The following RSAD1 variants were observed in gnomAD, a reference collection of about 807,000 sequenced individuals.
RSAD1 encodes radical S-adenosyl methionine domain-containing protein 1, mitochondrial.
In RSAD1, 34 loss-of-function variants were observed where a neutral mutation model predicts 46.2. The observed-to-expected ratio is 0.74, with a 90% confidence interval of 0.56 to 0.98. The LOEUF (loss-of-function observed/expected upper bound fraction) is 0.98, where lower values mean the gene tolerates loss of function less well. RSAD1 is among the 50% of genes least tolerant of loss of function. The pLI, the probability that RSAD1 is intolerant of heterozygous loss-of-function variation, is 0.00. For missense variants in RSAD1, 635 were observed against 592.3 expected (o/e 1.07, Z -0.75); for synonymous variants, 260 against 253.5 (o/e 1.03, Z -0.24).
Position 50,484,554 on chromosome 17 carries a change from G to A in RSAD1, c.1211+9G>A, listed in dbSNP as rs774915742. 10 of 1,611,882 alleles carry A rather than the reference G, an allele frequency of 6.2e-6. No individual in the cohort carries two copies. The highest frequency in any genetic ancestry group is 8.5e-6 in the Non-Finnish European group (10 of 1,179,394). On this transcript the variant is annotated intron_variant, in intron 8 of 8. Transcript: ENST00000258955. Reference sequence around the variant, plus strand: ...CTGCAGCTGGATCACAGGTGTGTTGGGGGGTGCCGGGCAGAGGGGGCTGAG... The same window carrying A: ...CTGCAGCTGGATCACAGGTGTGTTGAGGGGTGCCGGGCAGAGGGGGCTGAG...
At position 50,483,706 on chromosome 17, in the gene RSAD1, G is replaced by T; in HGVS notation, c.1053G>T (p.Leu351=). The change falls in exon 7 of 9, where the codon CTG becomes CTT. Residue 351 remains leucine (L), a splice_region_variant and synonymous_variant. Coordinates refer to ENST00000258955, the MANE Select transcript of RSAD1 (RefSeq NM_018346.3). ...GACTCCTTGGTGATTTTTCTTTGAG[G>T]CTGGAGGAAGTTTTGGCCCTGGGGC... ...RKRVPLGRLE[L]LEEVLALGLR... is the part of the protein sequence containing the mutation. The T allele has an allele frequency of 6.2e-7, 1 of 1,613,072 alleles. No homozygotes were observed. The highest frequency in any genetic ancestry group is 1.7e-4 in the Middle Eastern group (1 of 6,050).
In RSAD1 at chr17:50,484,825, G is replaced by A; in HGVS notation, c.1293G>A (p.Trp431Ter). ...LTLLPQLQEA[W>*]QQRTPSPVPG... ...TCCTGCCTCAGCTCCAAGAAGCCTG[G>A]CAGCAGAGAACCCCCTCCCCTGTGC... Residue 431 changes from tryptophan to a stop codon, truncating the protein, a stop_gained, in exon 9 of 9, where the codon TGG becomes TGA. Coordinates refer to ENST00000258955, the MANE Select transcript of RSAD1 (RefSeq NM_018346.3). LOFTEE classifies it high-confidence loss of function. The A allele has an allele frequency of 6.2e-7, 1 of 1,614,060 alleles. No individual in the cohort carries two copies. The highest frequency in any genetic ancestry group is 1.3e-5 in the African/African-American group (1 of 75,042).
chr17:50,483,328 T>C lies in RSAD1; in HGVS notation c.905-12T>C, dbSNP rs994207156. Reference sequence around the variant, plus strand: ...CAGCCATTAATGTGGGGATGGTTGTTGATGTTGTCAGGGGCCCATGGACGA... The same window carrying C: ...CAGCCATTAATGTGGGGATGGTTGTCGATGTTGTCAGGGGCCCATGGACGA... On this transcript the variant is annotated splice_polypyrimidine_tract_variant and intron_variant, in intron 5 of 8. Transcript: ENST00000258955. 3 of 1,612,564 alleles carry C rather than the reference T, an allele frequency of 1.9e-6. No homozygotes were observed. The highest frequency in any genetic ancestry group is 1.3e-5 in the African/African-American group (1 of 74,970).
chr17:50,484,298 A>G (rs1279885285), intron 7 of RSAD1, 144 bp from the exon 8 acceptor site: 2 of 667,848 alleles, frequency 3.0e-6, no homozygotes, highest in South Asian at 1.9e-5. Flanking sequence ...CTGCTGGCCC[A>G]TTGGCCTGGT....
At position 50,479,031 on chromosome 17, in the gene RSAD1, C is replaced by CG; in HGVS notation, c.135+17dup. On this transcript the variant is annotated intron_variant, in intron 1 of 8. Transcript: ENST00000258955. ...CGCTTTACGTACACGTGAGTAGGGG[C>CG]GGGGGCGGAGCCCACGGTGTGTGGC... The CG allele has an allele frequency of 1.5e-6, 2 of 1,328,116 alleles. No homozygotes were observed. The highest frequency in any genetic ancestry group is 9.6e-7 in the Non-Finnish European group (1 of 1,043,732). The allele number at this position is 1,328,116 out of a possible 1,614,324, so 82.3% of individuals were successfully genotyped here. A position where few individuals can be genotyped will look rare whatever the true frequency, so the allele number is the denominator to read the frequency against.
At position 50,482,204 on chromosome 17, in the gene RSAD1, G is replaced by A; in HGVS notation, c.588G>A (p.Leu196=). 1 of 1,569,918 alleles carries A rather than the reference G, an allele frequency of 6.4e-7. No homozygotes were observed. The highest frequency in any genetic ancestry group is 8.7e-7 in the Non-Finnish European group (1 of 1,154,418). ...TTCCCGGGCGCGTGTCTGTAGACTT[G>A]ATGCTGGGGCTGCCGGCACAGCAGG... ...RLFPGRVSVD[L]MLGLPAQQVG... Residue 196 remains leucine (L), a synonymous_variant, in exon 4 of 9, where the codon TTG becomes TTA. Transcript: ENST00000258955.
chr17:50,478,865 G>C lies in RSAD1; in HGVS notation c.-20G>C. On this transcript the variant is annotated 5_prime_UTR_variant, in exon 1 of 9. Transcript: ENST00000258955. ...GCGCGTCTCCTGCTCGGGTCAGTGC[G>C]CCGCGCTGCGCTGGGCGCCATGGCG... The C allele has an allele frequency of 7.9e-7, 1 of 1,258,886 alleles. No individual in the cohort carries two copies. Among genetic ancestry groups the C allele is most frequent in the Non-Finnish European group, 9.9e-7 (1 of 1,006,706 alleles). The allele number at this position is 1,258,886 out of a possible 1,614,324, so 78.0% of individuals were successfully genotyped here.
In RSAD1 at chr17:50,482,190, G is replaced by A. The variant is rs747181180; in HGVS notation, c.574G>A (p.Val192Met). 16 of 1,576,360 alleles carry A rather than the reference G, an allele frequency of 1.0e-5. No individual in the cohort carries two copies. Among genetic ancestry groups the A allele is most frequent in the Admixed American group, 5.4e-5 (3 of 55,152 alleles). Residue 192 changes from valine (V) to methionine (M), a missense_variant, in exon 4 of 9, where the codon GTG becomes ATG. Coordinates refer to ENST00000258955, the MANE Select transcript of RSAD1 (RefSeq NM_018346.3). ...AEARRLFPGR[V>M]SVDLMLGLPA... ...GGCCCGGCGCCTCTTTCCCGGGCGC[G>A]TGTCTGTAGACTTGATGCTGGGGCT...
chr17:50,482,232 G>T lies in RSAD1; in HGVS notation c.616G>T (p.Gly206Trp), dbSNP rs370307857. The change falls in exon 4 of 9, where the codon GGG becomes TGG. Residue 206 changes from glycine (G) to tryptophan (W), a missense_variant. By Grantham distance (184) the Gly-to-Trp change is radical. Transcript: ENST00000258955. Reference sequence around the variant, plus strand: ...GCTGGGGCTGCCGGCACAGCAGGTGGGGCCGTGGCTTGGGCAGCTGCAGGA... The same window carrying T: ...GCTGGGGCTGCCGGCACAGCAGGTGTGGCCGTGGCTTGGGCAGCTGCAGGA... Reference protein sequence around the residue: ...LMLGLPAQQVGPWLGQLQELL... With the variant: ...LMLGLPAQQVWPWLGQLQELL... 1.6e-4 allele frequency: 252 copies of T among 1,569,704 alleles called. No individual in the cohort carries two copies. The highest frequency in any genetic ancestry group is 2.0e-4 in the Non-Finnish European group (226 of 1,153,950).
rs2033345357 is a variant in RSAD1, at chr17:50,479,000, G to GC, written c.117dup (p.Ala40ArgfsTer94). 1 of 1,373,444 alleles carries GC rather than the reference G, an allele frequency of 7.3e-7. No individual in the cohort carries two copies. Among genetic ancestry groups the GC allele is most frequent in the Admixed American group, 3.4e-5 (1 of 29,526 alleles). The allele number at this position is 1,373,444 out of a possible 1,614,324, so 85.1% of individuals were successfully genotyped here. On this transcript the variant is annotated frameshift_variant, in exon 1 of 9. Coordinates refer to ENST00000258955, the MANE Select transcript of RSAD1 (RefSeq NM_018346.3). LOFTEE classifies it high-confidence loss of function. ...CCGAGTCCTGAGCCTGCGGGCCGGC[G>GC]CGCGGCGCTTTACGTACACGTGAGT...
chr17:50,484,576 T>C, intron 8 of RSAD1, 31 bp downstream of exon 8: 1 of 1,602,186 alleles, frequency 6.2e-7, no homozygotes, highest in Non-Finnish European at 8.5e-7. Context: ...CAGAGGGGGC[T>C]GAGGCATACC....
Position 50,478,876 on chromosome 17 carries a change from C to T in RSAD1, c.-9C>T. On this transcript the variant is annotated 5_prime_UTR_variant, in exon 1 of 9. Transcript: ENST00000258955. ...GCTCGGGTCAGTGCGCCGCGCTGCGCTGGGCGCCATGGCGCTCCCCGGAGC... is the reference window on the plus strand; with the variant it reads ...GCTCGGGTCAGTGCGCCGCGCTGCGTTGGGCGCCATGGCGCTCCCCGGAGC... 1 of 1,294,246 alleles carries T rather than the reference C, an allele frequency of 7.7e-7. No individual in the cohort carries two copies. Among genetic ancestry groups the T allele is most frequent in the Non-Finnish European group, 9.7e-7 (1 of 1,026,678 alleles). The allele number at this position is 1,294,246 out of a possible 1,614,324, so 80.2% of individuals were successfully genotyped here.
Position 50,478,918 on chromosome 17 carries a change from G to A in RSAD1, c.34G>A (p.Ala12Thr). 7.5e-7 allele frequency: 1 copy of A among 1,335,946 alleles called. No individual in the cohort carries two copies. The highest frequency in any genetic ancestry group is 9.5e-7 in the Non-Finnish European group (1 of 1,050,494). The allele number at this position is 1,335,946 out of a possible 1,614,324, so 82.8% of individuals were successfully genotyped here. A position where few individuals can be genotyped will look rare whatever the true frequency, so the allele number is the denominator to read the frequency against. The change falls in exon 1 of 9, where the codon GCG becomes ACG. Residue 12 changes from alanine (A) to threonine (T), a missense_variant. By Grantham distance (58) the Ala-to-Thr change is moderately conservative (BLOSUM62 0). Transcript: ENST00000258955. ...ALPGARARGW[A>T]AAARAAQRRR... The stretch of plus-strand genomic sequence containing the variant: ...CCCCGGAGCCCGGGCTCGCGGCTGG[G>A]CGGCAGCAGCCAGAGCGGCCCAGAG...
chr17:50,484,326 C>T lies in RSAD1; in HGVS notation c.1108-116C>T, dbSNP rs552603351. ...GGCCTGGTTCTGCTTTCATGCATGT[C>T]AGCTGCTGAGATCTCCATGCTGAAC... is the stretch of plus-strand genomic sequence containing the variant. On this transcript the variant is annotated intron_variant, in intron 7 of 8. Coordinates refer to ENST00000258955, the MANE Select transcript of RSAD1 (RefSeq NM_018346.3). The T allele has an allele frequency of 2.4e-5, 20 of 832,094 alleles. No individual in the cohort carries two copies. The South Asian group carries it at 2.7e-4, about 11-fold the overall frequency. 51.5% of individuals were successfully genotyped at this position (832,094 alleles called of 1,614,324 possible).
chr17:50,481,656 A>G (rs970423497), intron 3 of RSAD1, among the ~76,000 whole-genome samples: 4 of 152,240 alleles, frequency 2.6e-5, no homozygotes, highest in African/African-American at 9.6e-5. Context: ...ATATGGACAA[A>G]TGGTGAATCA....
At position 50,478,939 on chromosome 17, in the gene RSAD1, C is replaced by T; in HGVS notation, c.55C>T (p.Gln19Ter). Residue 19 changes from glutamine (Q) to a stop codon, truncating the protein, a stop_gained, in exon 1 of 9, where the codon CAG becomes TAG. Transcript: ENST00000258955. LOFTEE classifies it high-confidence loss of function. ...RGWAAAARAA[Q>*]RRRRVENAGG... ...CTGGGCGGCAGCAGCCAGAGCGGCC[C>T]AGAGGCGCCGCCGCGTGGAGAACGC... The T allele has an allele frequency of 7.2e-7, 1 of 1,386,112 alleles. No homozygotes were observed. Among genetic ancestry groups the T allele is most frequent in the East Asian group, 3.0e-5 (1 of 32,914 alleles). The allele number at this position is 1,386,112 out of a possible 1,614,324, so 85.9% of individuals were successfully genotyped here. A position where few individuals can be genotyped will look rare whatever the true frequency, so the allele number is the denominator to read the frequency against.
intron 1 of RSAD1, chr17:50,479,389 C>T (rs2033350809): frequency 3.7e-6 from 2 of 537,992 alleles, no homozygotes; most frequent in South Asian, 2.6e-5. Flanking sequence ...TGAATTCCTT[C>T]CTGACGTCTG....
In RSAD1 at chr17:50,482,383, T is replaced by G. The variant is rs147169519; in HGVS notation, c.767T>G (p.Met256Arg). 9 of 1,606,308 alleles carry G rather than the reference T, an allele frequency of 5.6e-6. No individual in the cohort carries two copies. The highest frequency in any genetic ancestry group is 3.3e-4 in the Middle Eastern group (2 of 6,026). The change falls in exon 4 of 9, where the codon ATG becomes AGG. Residue 256 changes from methionine (M) to arginine (R), a missense_variant. Physicochemically the swap from Met to Arg is moderately conservative, Grantham distance 91. Transcript: ENST00000258955. ...PAPDPELAAE[M>R]YQRGRAVLRE... is the part of the protein sequence containing the mutation. ...CCTGACCCGGAGCTCGCAGCTGAGA[T>G]GTACCAGAGGGGCCGGGCTGTCCTT...
chr17:50,483,213 A>G lies in RSAD1; in HGVS notation c.905-127A>G, dbSNP rs1598444733. ...AAAAAGAAAGAAAGAAAGAAAGAAA[A>G]GAAAAGAAAAATAATTTATATTTCC... On this transcript the variant is annotated intron_variant, in intron 5 of 8. Transcript: ENST00000258955. 9 of 871,074 alleles carry G rather than the reference A, an allele frequency of 1.0e-5. No homozygotes were observed. The East Asian group carries it at 2.9e-4, about 28-fold the overall frequency. 54.0% of individuals were successfully genotyped at this position (871,074 alleles called of 1,614,324 possible). A position where few individuals can be genotyped will look rare whatever the true frequency, so the allele number is the denominator to read the frequency against.
Sources: gnomAD v4.1 joint callset for allele counts (sites outside exome capture counted in the v4.1 genomes callset) on GRCh38, gnomAD v4.1.1 for gene constraint, MANE v1.5 for transcripts, NCBI Gene and HGNC (gene_info 2026-07-23, HGNC 2026-07-21) for gene names.